CNKSR2: variants seen among roughly 807,000 people sequenced by gnomAD.
The protein encoded by CNKSR2 is CNK homolog protein 2.
A neutral mutation model predicts 84.4 loss-of-function variants in CNKSR2; 14 were observed. The ratio of observed to expected loss-of-function variants is 0.17; its 90% CI spans 0.11 to 0.26. CNKSR2 has a LOEUF of 0.26. Ranked by LOEUF, CNKSR2 falls within the 10% of genes least tolerant of loss-of-function variation. The pLI is 1.00. For missense variants in CNKSR2, 485 were observed against 771.2 expected, an observed-to-expected ratio of 0.63 and a Z score of 4.40; for synonymous variants, 275 against 277.9, an observed-to-expected ratio of 0.99 and a Z score of 0.10.
chrX:21,573,350 T>C (rs903841781), intron 13 of CNKSR2, among the ~76,000 whole-genome samples: 2 of 112,053 alleles, frequency 1.8e-5, no homozygotes, highest in East Asian at 2.8e-4. Context: ...TGTAGGATGG[T>C]GGCCCTCTTC....
At chrX:21,605,372 A>G (rs1421539094) in intron 18 of CNKSR2, among the ~76,000 whole-genome samples, 1 of 112,560 alleles carries the variant, frequency 8.9e-6, no homozygotes, top group Non-Finnish European at 1.9e-5. Flanking sequence ...TTTTACTCAA[A>G]AGGAATAATT....
chrX:21,546,526 C>T (rs550978936), intron 11 of CNKSR2, among the ~76,000 whole-genome samples: 1 of 110,967 alleles, frequency 9.0e-6, no homozygotes, highest in African/African-American at 3.3e-5. Context: ...TCCAGGAGAA[C>T]TTACCCAACC....
chrX:21,376,914 T>G (rs1456098861), intron 1 of CNKSR2, among the ~76,000 whole-genome samples: 1 of 112,280 alleles, frequency 8.9e-6, no homozygotes, highest in Non-Finnish European at 1.9e-5. Flanking sequence ...AAGTAGAATA[T>G]ATGATGCACC....
At chrX:21,637,573 C>G (rs1011450299) in intron 20 of CNKSR2, among the ~76,000 whole-genome samples, 1 of 111,355 alleles carries the variant, frequency 9.0e-6, no homozygotes, top group Non-Finnish European at 1.9e-5. Context: ...AATATCCAGT[C>G]TTTTTGAAGT....
rs1212349556 is a variant in CNKSR2 at position 21,531,989 on chromosome X, G to C, written c.1225G>C (p.Asp409His). 1.7e-6 allele frequency: 2 copies of C among 1,202,958 alleles called. No homozygotes were observed. Among genetic ancestry groups the C allele is most frequent in the Non-Finnish European group, 2.3e-6 (2 of 888,183 alleles). ...AAAGAGATTTAATATTGTCGAAGAAGATACTGTCTTATATTGCTATGAATA... is the reference window on the plus strand; with the variant it reads ...AAAGAGATTTAATATTGTCGAAGAACATACTGTCTTATATTGCTATGAATA... ...YRKRFNIVEE[D>H]TVLYCYEYEK... Residue 409 changes from aspartate to histidine, a missense_variant, in exon 11 of 22, where the codon GAT becomes CAT. Physicochemically the swap from Asp to His is moderately conservative, Grantham distance 81. This residue lies in a region of CNKSR2 where 132 missense variants were observed against 166.7 expected (regional missense o/e 0.79). Transcript: ENST00000379510.
At chrX:21,437,445 A>C (rs1361352055) in intron 3 of CNKSR2, among the ~76,000 whole-genome samples, 2 of 94,830 alleles carry the variant, frequency 2.1e-5, no homozygotes, top group African/African-American at 7.9e-5. Flanking sequence ...TTTTTGAGAC[A>C]GTCTCACTCT....
At chrX:21,452,568 A>G (rs1408880904) in intron 4 of CNKSR2, among the ~76,000 whole-genome samples, 1 of 110,786 alleles carries the variant, frequency 9.0e-6, no homozygotes, top group Non-Finnish European at 1.9e-5. Flanking sequence ...CACTCATTCA[A>G]TTATTGGGGC....
chrX:21,591,215 T>A, intron 15 of CNKSR2, 21 bp downstream of exon 15: 1 of 1,102,744 alleles, frequency 9.1e-7, no homozygotes, highest in Non-Finnish European at 1.2e-6. Context: ...GCACCTTTTG[T>A]TTTCTCATCC....
At chrX:21,394,210 T>TTTTTTA (rs2090089851) in intron 1 of CNKSR2, among the ~76,000 whole-genome samples, 1 of 112,361 alleles carries the variant, frequency 8.9e-6, no homozygotes, top group Non-Finnish European at 1.9e-5. Flanking sequence ...AAGAATTTAT[T>TTTTTTA]ACTGTACAGG....
chrX:21,463,233 A>G (rs1378728513), intron 4 of CNKSR2, among the ~76,000 whole-genome samples: 3 of 110,966 alleles, frequency 2.7e-5, no homozygotes, highest in Non-Finnish European at 5.7e-5. Flanking sequence ...TTGGTTTGCT[A>G]GTATTTTGTT....
chrX:21,390,943 G>A (rs1390089988), intron 1 of CNKSR2, among the ~76,000 whole-genome samples: 1 of 111,818 alleles, frequency 8.9e-6, no homozygotes, highest in Admixed American at 9.4e-5. Flanking sequence ...CCAAAAGAAA[G>A]GGGCTACAGG....
chrX:21,519,464 G>GA (rs1422617514), intron 9 of CNKSR2, among the ~76,000 whole-genome samples: 1 of 110,897 alleles, frequency 9.0e-6, no homozygotes, highest in Non-Finnish European at 1.9e-5. Flanking sequence ...CCTCAGATGT[G>GA]AAACGTAACT....
In CNKSR2 at chrX:21,591,182, T is replaced by C; in HGVS notation, c.1818T>C (p.Tyr606=). The change falls in exon 15 of 22, where the codon TAT becomes TAC. Residue 606 remains tyrosine, a synonymous_variant. Coordinates refer to ENST00000379510, the MANE Select transcript of CNKSR2 (RefSeq NM_014927.5). ...TAAAGGATGCATCCCTTTATTGGTA[T>C]ATTAATGAGGAGGTAAGATAAAGCA... The part of the protein sequence containing the change: ...FVLKDASLYW[Y]INEEDEKAEG... 1 of 1,189,527 alleles carries C rather than the reference T, an allele frequency of 8.4e-7. No individual in the cohort carries two copies. Among genetic ancestry groups the C allele is most frequent in the Non-Finnish European group, 1.1e-6 (1 of 881,092 alleles).
At chrX:21,571,587 A>G (rs774195856) in intron 13 of CNKSR2, among the ~76,000 whole-genome samples, 1 of 112,041 alleles carries the variant, frequency 8.9e-6, no homozygotes, top group South Asian at 3.7e-4. Flanking sequence ...AGGAACTGGA[A>G]CACAGAATTT....
chrX:21,480,677 C>T (rs141195191), intron 5 of CNKSR2, among the ~76,000 whole-genome samples: 33 of 111,851 alleles, frequency 3.0e-4, no homozygotes, highest in African/African-American at 9.1e-4. Flanking sequence ...CTTGTCCCAA[C>T]TCTTAATTCA....
intron 1 of CNKSR2, among the ~76,000 whole-genome samples, chrX:21,422,880 G>T (rs1251399189): frequency 9.1e-6 from 1 of 110,073 alleles, no homozygotes; most frequent in African/African-American, 3.3e-5. Context: ...GAAAAGACTG[G>T]ATGGGCTTCT....
At chrX:21,407,636 C>T (rs2090282523) in intron 1 of CNKSR2, among the ~76,000 whole-genome samples, 1 of 111,010 alleles carries the variant, frequency 9.0e-6, no homozygotes, top group Admixed American at 9.6e-5. Flanking sequence ...TAAAATTTTC[C>T]ATGGATGACA....
At chrX:21,592,646 T>G (rs2092427982) in intron 15 of CNKSR2, 1 of 111,403 alleles carries the variant, frequency 9.0e-6, no homozygotes, top group South Asian at 3.8e-4. Context: ...AATATTTTTC[T>G]ATTTAATGTA....
At chrX:21,465,036 G>A (rs2091109333) in intron 4 of CNKSR2, among the ~76,000 whole-genome samples, 1 of 111,707 alleles carries the variant, frequency 9.0e-6, no homozygotes, top group Admixed American at 9.5e-5. Flanking sequence ...TTTGTTCAGT[G>A]TGTTCACACA....
Sources: gnomAD v4.1 joint callset for allele counts (sites outside exome capture counted in the v4.1 genomes callset) on GRCh38, gnomAD v4.1.1 for gene constraint, gnomAD v4.1.1 regional missense constraint, MANE v1.5 for transcripts, NCBI Gene and HGNC (gene_info 2026-07-23, HGNC 2026-07-21) for gene names.